Variants in ILDR1 observed in about 807,000 individuals in gnomAD.
ILDR1 encodes immunoglobulin-like domain-containing receptor 1.
ILDR1 carries 56 observed loss-of-function variants against 62.4 expected under a neutral mutation model. That is an observed-to-expected ratio of 0.90 (90% confidence interval 0.72 to 1.12). The LOEUF (loss-of-function observed/expected upper bound fraction) is 1.12, where lower values mean the gene tolerates loss of function less well. Among genes scored for constraint, ILDR1 ranks in the 50% most tolerant of loss-of-function variants. ILDR1 has a pLI of 0.00. For synonymous variants in ILDR1, 284 were observed against 277.8 expected, an observed-to-expected ratio of 1.02 and a Z score of -0.22; for missense variants, 736 against 710.6, an observed-to-expected ratio of 1.04 and a Z score of -0.41.
the ILDR1 span, among the ~76,000 whole-genome samples, chr3:122,049,039 T>A: frequency 6.6e-6 from 1 of 152,246 alleles, no homozygotes. Context: ...ATTTTTAATA[T>A]GTTTATTGTT....
At chr3:122,005,657 C>T (rs2071597068) in intron 2 of ILDR1, among the ~76,000 whole-genome samples, 2 of 152,000 alleles carry the variant, frequency 1.3e-5, no homozygotes, top group South Asian at 2.1e-4. Flanking sequence ...ATTTTCATGC[C>T]GGCTCTACTC....
the ILDR1 span, among the ~76,000 whole-genome samples, chr3:122,038,276 A>G: frequency 0.049 from 7,449 of 152,292 alleles, 234 homozygotes; most frequent in East Asian, 0.11. Context: ...CATTCTGTGG[A>G]GCAGTGTGAA....
intron 1 of ILDR1, among the ~76,000 whole-genome samples, chr3:122,020,972 G>A (rs564180987): frequency 6.6e-6 from 1 of 152,294 alleles, no homozygotes; most frequent in South Asian, 2.1e-4. Flanking sequence ...AATCCTGTCT[G>A]AATAAGATTT....
chr3:122,029,916 T>A, the ILDR1 span, among the ~76,000 whole-genome samples: 1 of 152,208 alleles, frequency 6.6e-6, no homozygotes, highest in South Asian at 2.1e-4. Context: ...GATGTAATAA[T>A]CTCTTTGGTT....
intron 1 of ILDR1, among the ~76,000 whole-genome samples, chr3:122,012,396 A>G (rs2107672553): frequency 6.6e-6 from 1 of 152,220 alleles, no homozygotes; most frequent in African/African-American, 2.4e-5. Context: ...CTCATTTCCT[A>G]GCTGTCTCTA....
chr3:122,023,032 T>C (rs890424561), upstream of ILDR1, among the ~76,000 whole-genome samples: 3 of 151,010 alleles, frequency 2.0e-5, no homozygotes, highest in African/African-American at 7.3e-5. Context: ...TAAAATATTA[T>C]AGAAAAATAA....
Position 121,993,456 on chromosome 3 carries a change from G to A in ILDR1, c.1293C>T (p.Arg431=), listed in dbSNP as rs1158248126. Residue 431 remains arginine (R), a synonymous_variant, in exon 7 of 8, where the codon CGC becomes CGT. Transcript: ENST00000344209. ...LSDVPSSSEA[R]WRPSHPPFRS... ...TGAAAGGAGGGTGGCTCGGCCGCCA[G>A]CGTGCCTCACTGGATGAGGGGACAT... 6.2e-7 allele frequency: 1 copy of A among 1,613,852 alleles called. No individual in the cohort carries two copies. Among genetic ancestry groups the A allele is most frequent in the Non-Finnish European group, 8.5e-7 (1 of 1,179,890 alleles).
At chr3:122,021,114 T>G (rs1398357834) in intron 1 of ILDR1, among the ~76,000 whole-genome samples, 16 of 152,184 alleles carry the variant, frequency 1.1e-4, no homozygotes, top group Admixed American at 9.8e-4. Context: ...AAACTCTAAG[T>G]TGACCTTCCA....
At chr3:122,012,809 G>GA (rs2071723730) in intron 1 of ILDR1, among the ~76,000 whole-genome samples, 1 of 151,988 alleles carries the variant, frequency 6.6e-6, no homozygotes. Context: ...AAAGCATTTT[G>GA]AAAAAATGAT....
At chr3:121,991,403 G>T (rs570145934) in intron 7 of ILDR1, among the ~76,000 whole-genome samples, 6 of 152,268 alleles carry the variant, frequency 3.9e-5, no homozygotes, top group Non-Finnish European at 7.4e-5. Flanking sequence ...TTTTGTTGTT[G>T]TTGTTATAAT....
At chr3:122,020,451 TC>T (rs1475995437) in intron 1 of ILDR1, among the ~76,000 whole-genome samples, 2 of 152,214 alleles carry the variant, frequency 1.3e-5, no homozygotes, top group Non-Finnish European at 2.9e-5. Flanking sequence ...AATAGCTATT[TC>T]CCCTCCAAGT....
the ILDR1 span, among the ~76,000 whole-genome samples, chr3:122,038,517 G>GAAAA: frequency 6.6e-6 from 1 of 152,168 alleles, no homozygotes; most frequent in African/African-American, 2.4e-5. Flanking sequence ...GAAAAGGCAT[G>GAAAA]TTTATCTGCA....
Position 122,013,822 on chromosome 3 carries a change from A to C in ILDR1, c.59-6661T>G, listed in dbSNP as rs572047642. Among the ~76,000 whole-genome samples, 4 of 152,304 alleles carry C rather than the reference A, an allele frequency of 2.6e-5. No individual in the cohort carries two copies. In the East Asian group the frequency reaches 7.7e-4, roughly 29 times the overall value. ...GTTTACCCAAGGTCTGGCATGCAAC[A>C]CTTAACAGTGCAGCACCCCGAGAAG... On this transcript the variant is annotated intron_variant, in intron 1 of 7. Coordinates refer to ENST00000344209, the MANE Select transcript of ILDR1 (RefSeq NM_001199799.2).
At chr3:122,058,043 G>C in the ILDR1 span, among the ~76,000 whole-genome samples, 1 of 152,146 alleles carries the variant, frequency 6.6e-6, no homozygotes, top group Non-Finnish European at 1.5e-5. Context: ...TGGGAGTATG[G>C]TAATATGTCG....
intron 1 of ILDR1, among the ~76,000 whole-genome samples, chr3:122,020,753 C>T (rs2071842926): frequency 6.6e-6 from 1 of 152,156 alleles, no homozygotes; most frequent in Non-Finnish European, 1.5e-5. Flanking sequence ...AAATTTTGGA[C>T]ACAAATTGAG....
chr3:122,038,381 G>A, the ILDR1 span, among the ~76,000 whole-genome samples: 1 of 152,116 alleles, frequency 6.6e-6, no homozygotes, highest in African/African-American at 2.4e-5. Flanking sequence ...CCTAGCACAG[G>A]TATTACTAAA....
chr3:122,040,169 T>G, the ILDR1 span, among the ~76,000 whole-genome samples: 1 of 151,874 alleles, frequency 6.6e-6, no homozygotes. Context: ...TAAACCAGAA[T>G]TAAACAAATA....
At chr3:122,001,931 C>T (rs895172400) in intron 3 of ILDR1, 67 bp from the exon 4 acceptor site, 12 of 1,567,966 alleles carry the variant, frequency 7.7e-6, no homozygotes, top group African/African-American at 5.4e-5. Context: ...ACCCATGACA[C>T]CCTCAAGACC....
At chr3:122,008,966 C>T (rs1301034793) in intron 1 of ILDR1, among the ~76,000 whole-genome samples, 1 of 151,124 alleles carries the variant, frequency 6.6e-6, no homozygotes, top group Non-Finnish European at 1.5e-5. Context: ...TACAGTCTTG[C>T]TCTGTTGCCC....
Sources: allele counts gnomAD v4.1 joint callset (sites outside exome capture counted in the v4.1 genomes callset), GRCh38; gene constraint gnomAD v4.1.1; transcripts MANE v1.5; gene names NCBI Gene and HGNC (gene_info 2026-07-23, HGNC 2026-07-21).